Variants in IHO1 observed in about 807,000 individuals in gnomAD.
IHO1 encodes interactor of HORMAD1 1.
Under a neutral mutation model 31.0 loss-of-function variants are expected in IHO1, and 13 were observed. That is an observed-to-expected ratio of 0.42 (90% confidence interval 0.27 to 0.67). The LOEUF is 0.67. Ranked by LOEUF, IHO1 falls within the 30% of genes least tolerant of loss-of-function variation. The pLI is 0.24. For missense variants in IHO1, 599 were observed against 687.5 expected (o/e 0.87, Z 1.44); for synonymous variants, 221 against 248.4 (o/e 0.89, Z 1.04).
rs1217364134 is a variant in IHO1 at position 49,253,934 on chromosome 3, A to G, written c.533-1456A>G. On this transcript the variant is annotated intron_variant, in intron 6 of 7. Transcript: ENST00000452691. The stretch of plus-strand genomic sequence containing the variant: ...CTGCAACCTCTACCTCCCAGGTTCA[A>G]GCAATTCTCATGCCTCAGCCAACCA... Among the ~76,000 whole-genome samples, 3 of 149,996 alleles carry G rather than the reference A, an allele frequency of 2.0e-5. No individual in the cohort carries two copies. The Admixed American group carries it at 2.0e-4, about 10-fold the overall frequency.
intron 6 of IHO1, among the ~76,000 whole-genome samples, chr3:49,253,330 C>T (rs988818708): frequency 1.3e-5 from 2 of 151,992 alleles, no homozygotes; most frequent in Non-Finnish European, 2.9e-5. Context: ...GAGGCTGAGG[C>T]TGGAGAACTG....
chr3:49,206,624 C>T (rs894902967), intron 1 of IHO1, among the ~76,000 whole-genome samples: 2 of 152,116 alleles, frequency 1.3e-5, no homozygotes, highest in African/African-American at 2.4e-5. Context: ...TGACCTGTAT[C>T]GTTGCTGACC....
chr3:49,236,449 A>G, intron 2 of IHO1, 99 bp from the exon 3 acceptor site: 1 of 851,076 alleles, frequency 1.2e-6, no homozygotes, highest in Non-Finnish European at 1.8e-6. Context: ...ACAAGCTATC[A>G]TTCTGCCCAA....
At chr3:49,201,609 C>T (rs1259522709) in intron 1 of IHO1, among the ~76,000 whole-genome samples, 2 of 151,474 alleles carry the variant, frequency 1.3e-5, no homozygotes, top group African/African-American at 4.9e-5. Flanking sequence ...GTCGACAAAG[C>T]GAGACTGCAT....
chr3:49,252,602 T>C (rs1029875179), intron 6 of IHO1, among the ~76,000 whole-genome samples: 3 of 152,004 alleles, frequency 2.0e-5, no homozygotes, highest in African/African-American at 7.2e-5. Context: ...TTTTTCATTT[T>C]GTAGAGACAG....
chr3:49,211,741 A>G, intron 1 of IHO1, 25 bp from the exon 2 acceptor site: 1 of 1,113,634 alleles, frequency 9.0e-7, no homozygotes. Context: ...TAACTTTCTT[A>G]ATATTCACCT....
At chr3:49,193,203 T>A in the IHO1 span, among the ~76,000 whole-genome samples, 1 of 151,572 alleles carries the variant, frequency 6.6e-6, no homozygotes, top group East Asian at 2.0e-4. Context: ...AAACTCTGTC[T>A]CTACCAAATA....
chr3:49,207,640 G>T (rs558104753), intron 1 of IHO1, among the ~76,000 whole-genome samples: 1 of 152,178 alleles, frequency 6.6e-6, no homozygotes, highest in South Asian at 2.1e-4. Context: ...ACCTTAGTCT[G>T]CCATTATTCA....
chr3:49,192,616 C>T, the IHO1 span, among the ~76,000 whole-genome samples: 3 of 152,108 alleles, frequency 2.0e-5, no homozygotes, highest in African/African-American at 4.8e-5. Context: ...GGTTCATTGG[C>T]CTGGGCTTGG....
intron 2 of IHO1, among the ~76,000 whole-genome samples, chr3:49,227,975 A>G (rs1158378198): frequency 6.6e-6 from 1 of 152,170 alleles, no homozygotes; most frequent in Non-Finnish European, 1.5e-5. Context: ...AGGTGCCTAA[A>G]GAAGGGAATA....
intron 2 of IHO1, among the ~76,000 whole-genome samples, chr3:49,213,198 C>T (rs904909964): frequency 6.6e-6 from 1 of 151,714 alleles, no homozygotes; most frequent in Non-Finnish European, 1.5e-5. Flanking sequence ...CATAAAGGTT[C>T]TCCAAGTCCC....
intron 3 of IHO1, 115 bp downstream of exon 3, chr3:49,236,837 T>G: frequency 1.0e-6 from 1 of 983,040 alleles, no homozygotes; most frequent in Non-Finnish European, 1.5e-6. Context: ...ATCCCTGCAC[T>G]TGGGGAGGCT....
chr3:49,219,888 A>C (rs2107697424), intron 2 of IHO1, among the ~76,000 whole-genome samples: 1 of 152,352 alleles, frequency 6.6e-6, no homozygotes, highest in South Asian at 2.1e-4. Context: ...AAGTAATAGA[A>C]GAGGTAATGG....
At position 49,241,219 on chromosome 3, in the gene IHO1, T is replaced by G; in HGVS notation, c.232-7T>G. 1.3e-6 allele frequency: 2 copies of G among 1,579,266 alleles called. No individual in the cohort carries two copies. Among genetic ancestry groups the G allele is most frequent in the Non-Finnish European group, 1.7e-6 (2 of 1,166,368 alleles). On this transcript the variant is annotated splice_polypyrimidine_tract_variant and splice_region_variant and intron_variant, in intron 3 of 7. Coordinates refer to ENST00000452691, the MANE Select transcript of IHO1 (RefSeq NM_001135197.2). ...GTGAAATGCTATATATTTTTTTCAT[T>G]TAACAGGGTGAACCTAGCATTTTCA...
At chr3:49,244,566 T>G in intron 5 of IHO1, 80 bp from the exon 6 acceptor site, 1 of 1,375,388 alleles carries the variant, frequency 7.3e-7, no homozygotes, top group Non-Finnish European at 1.0e-6. Context: ...CTATCCCTAT[T>G]TATCATGAAA....
intron 6 of IHO1, among the ~76,000 whole-genome samples, chr3:49,254,070 G>A (rs2046795609): frequency 6.6e-6 from 1 of 152,056 alleles, no homozygotes; most frequent in Non-Finnish European, 1.5e-5. Flanking sequence ...CTGACCTCAG[G>A]TGATCTGCCC....
chr3:49,210,260 T>C (rs2046191878), intron 1 of IHO1, among the ~76,000 whole-genome samples: 1 of 151,382 alleles, frequency 6.6e-6, no homozygotes, highest in African/African-American at 2.4e-5. Flanking sequence ...TTTTTGAGAT[T>C]TTTTTTTTCT....
chr3:49,230,082 C>T (rs1343142631), intron 2 of IHO1, among the ~76,000 whole-genome samples: 1 of 152,182 alleles, frequency 6.6e-6, no homozygotes. Flanking sequence ...CCTCAAGAAC[C>T]TATACCTTTA....
rs1296110711 is a variant in IHO1 at position 49,226,485 on chromosome 3, G to T, written c.57-10063G>T. On this transcript the variant is annotated intron_variant, in intron 2 of 7. Transcript: ENST00000452691. ...GGTGGACATCATTGAATAATTCATG[G>T]GCTTTTTCCTAATTCTCCTTAGTCC... is the stretch of plus-strand genomic sequence containing the variant. Among the ~76,000 whole-genome samples the T allele has an allele frequency of 2.6e-5, 4 of 152,202 alleles. 1 individual carries two copies. Among genetic ancestry groups the T allele is most frequent in the African/African-American group, 9.6e-5 (4 of 41,538 alleles).
Sources: allele counts gnomAD v4.1 joint callset (sites outside exome capture counted in the v4.1 genomes callset), GRCh38; gene constraint gnomAD v4.1.1; transcripts MANE v1.5; gene names NCBI Gene and HGNC (gene_info 2026-07-23, HGNC 2026-07-21).